TYRP1: variants seen among roughly 807,000 people sequenced by gnomAD.
The protein encoded by TYRP1 is 5,6-dihydroxyindole-2-carboxylic acid oxidase.
In TYRP1, 49 loss-of-function variants were observed where a neutral mutation model predicts 42.8. The observed-to-expected ratio is 1.14, with a 90% CI of 0.91 to 1.45. TYRP1 has a LOEUF of 1.45. Ranked by LOEUF, TYRP1 falls within the 40% of genes most tolerant of loss-of-function variation. The pLI is 0.00. For synonymous variants in TYRP1, 279 were observed against 235.4 expected, an observed-to-expected ratio of 1.19 and a Z score of -1.69; for missense variants, 848 against 662.0, an observed-to-expected ratio of 1.28 and a Z score of -3.08.
At chr9:12,694,494 C>G in intron 2 of TYRP1, 113 bp downstream of exon 2, 1 of 1,346,096 alleles carries the variant, frequency 7.4e-7, no homozygotes, top group Non-Finnish European at 1.0e-6. Context: ...GCTCAACCCT[C>G]TCTTTTCATA....
At chr9:12,695,444 A>G in intron 2 of TYRP1, 71 bp from the exon 3 acceptor site, 1 of 1,394,928 alleles carries the variant, frequency 7.2e-7, no homozygotes, top group Admixed American at 1.7e-5. Context: ...GTGTTACAAG[A>G]TGATTATGCT....
rs750325276 is a variant in TYRP1 at position 12,709,166 on chromosome 9, A to G, written c.1598A>G (p.Asn533Ser). 5 of 1,612,470 alleles carry G rather than the reference A, an allele frequency of 3.1e-6. No individual in the cohort carries two copies. Among genetic ancestry groups the G allele is most frequent in the Non-Finnish European group, 4.2e-6 (5 of 1,178,922 alleles). The change falls in exon 8 of 8, where the codon AAT (asparagine) becomes AGT (serine). Residue 533 changes from asparagine to serine, a missense_variant. By Grantham distance (46) the Asn-to-Ser change is conservative. Transcript: ENST00000388918. ...AEEYEKLQNP[N>S]QSVV ...GAATATGAAAAACTCCAGAATCCTA[A>G]TCAGTCTGTGGTCTAACAAATGCCC...
At chr9:12,699,340 A>G (rs1156622880) in intron 4 of TYRP1, among the ~76,000 whole-genome samples, 1 of 151,944 alleles carries the variant, frequency 6.6e-6, no homozygotes, top group African/African-American at 2.4e-5. Context: ...TCCTTGGATC[A>G]TATTATTATT....
intron 4 of TYRP1, chr9:12,701,897 A>C (rs2762463): frequency 1.6e-5 from 3 of 192,936 alleles, no homozygotes; most frequent in Admixed American, 5.4e-5. Flanking sequence ...ATGTGACATA[A>C]AGATTTTAGT....
At chr9:12,702,994 AG>A (rs1390714353) in intron 5 of TYRP1, among the ~76,000 whole-genome samples, 1 of 152,034 alleles carries the variant, frequency 6.6e-6, no homozygotes, top group African/African-American at 2.4e-5. Flanking sequence ...TTTAAAGCTG[AG>A]GAAAGTGAGG....
intron 2 of TYRP1, 108 bp downstream of exon 2, chr9:12,694,489 A>G: frequency 7.3e-7 from 1 of 1,378,066 alleles, no homozygotes; most frequent in East Asian, 2.5e-5. Flanking sequence ...ATATAGCTCA[A>G]CCCTCTCTTT....
In TYRP1 at chr9:12,709,173, T is replaced by C; in HGVS notation, c.1605T>C (p.Ser535=). The C allele has an allele frequency of 6.2e-7, 1 of 1,612,398 alleles. No homozygotes were observed. The highest frequency in any genetic ancestry group is 1.1e-5 in the South Asian group (1 of 91,058). ...EYEKLQNPNQ[S]VV is the part of the protein sequence containing the mutation. The stretch of plus-strand genomic sequence containing the variant: ...AAAAACTCCAGAATCCTAATCAGTC[T>C]GTGGTCTAACAAATGCCCTACTCTC... Residue 535 remains serine (S), a synonymous_variant, in exon 8 of 8, where the codon TCT becomes TCC. Transcript: ENST00000388918.
chr9:12,698,540 G>A lies in TYRP1; in HGVS notation c.798G>A (p.Met266Ile), dbSNP rs1263214797. 1 of 1,613,666 alleles carries A rather than the reference G, an allele frequency of 6.2e-7. No homozygotes were observed. Among genetic ancestry groups the A allele is most frequent in the Non-Finnish European group, 8.5e-7 (1 of 1,179,838 alleles). Residue 266 changes from methionine to isoleucine, a missense_variant, in exon 4 of 8, where the codon ATG (methionine) becomes ATA (isoleucine). By Grantham distance (10) the Met-to-Ile change is conservative. Transcript: ENST00000388918. ...NVCDICTDDL[M>I]GSRSNFDSTL... ...GTGATATCTGCACGGATGACTTGAT[G>A]GGATCCAGAAGCAACTTTGATTCCA...
At chr9:12,704,754 T>G in intron 6 of TYRP1, 49 bp downstream of exon 6, 3 of 1,563,230 alleles carry the variant, frequency 1.9e-6, no homozygotes, top group Non-Finnish European at 2.6e-6. Context: ...GCGGATTGTT[T>G]AGATGGCATA....
rs937158374 is a variant in TYRP1, at chr9:12,693,968, C to G, written c.-29C>G. 6.2e-7 allele frequency: 1 copy of G among 1,613,010 alleles called. No individual in the cohort carries two copies. The highest frequency in any genetic ancestry group is 1.3e-5 in the African/African-American group (1 of 74,834). ...CTACACAAAGAGCTGCAAACCAGGT[C>G]TTTGTTTTGCACTCTTATTTCAAGC... On this transcript the variant is annotated 5_prime_UTR_variant, in exon 2 of 8. Transcript: ENST00000388918.
At position 12,695,602 on chromosome 9, in the gene TYRP1, T is replaced by C. The variant is rs1232160617; in HGVS notation, c.473T>C (p.Leu158Ser). ...ATGGCAAAGCGCACAACTCACCCTTTATTTGTCATTGCCACCAGGAGATCA... is the reference window on the plus strand; with the variant it reads ...ATGGCAAAGCGCACAACTCACCCTTCATTTGTCATTGCCACCAGGAGATCA... ...LDMAKRTTHP[L>S]FVIATRRSEE... The change falls in exon 3 of 8, where the codon TTA becomes TCA. Residue 158 changes from leucine to serine, a missense_variant. Leu to Ser is a moderately radical substitution (Grantham distance 145). Coordinates refer to ENST00000388918, the MANE Select transcript of TYRP1 (RefSeq NM_000550.3). The C allele has an allele frequency of 3.7e-6, 6 of 1,614,052 alleles. No individual in the cohort carries two copies. Among genetic ancestry groups the C allele is most frequent in the Non-Finnish European group, 5.1e-6 (6 of 1,180,034 alleles).
chr9:12,693,601 A>AAGG (rs1818028575), intron 1 of TYRP1, 123 bp downstream of exon 1: 1 of 187,930 alleles, frequency 5.3e-6, no homozygotes, highest in Non-Finnish European at 1.1e-5. Context: ...CTTCAGCTCC[A>AAGG]AGGTTAAATT....
intron 4 of TYRP1, among the ~76,000 whole-genome samples, chr9:12,699,360 G>A (rs934824374): frequency 6.6e-6 from 1 of 151,938 alleles, no homozygotes; most frequent in African/African-American, 2.4e-5. Flanking sequence ...TTGTGCCTGT[G>A]GTAGTAACAC....
intron 1 of TYRP1, among the ~76,000 whole-genome samples, 153 bp from the exon 2 acceptor site, chr9:12,693,759 G>C (rs1483978911): frequency 9.7e-6 from 1 of 103,410 alleles, no homozygotes; most frequent in African/African-American, 2.7e-5. Context: ...AAATTTTAAA[G>C]GTAAAATTTG....
intron 6 of TYRP1, among the ~76,000 whole-genome samples, chr9:12,706,090 G>C (rs912864882): frequency 2.6e-5 from 4 of 152,058 alleles, no homozygotes; most frequent in African/African-American, 4.8e-5. Context: ...TTACAGTCAT[G>C]ATGACCACTT....
Position 12,708,218 on chromosome 9 carries a change from C to G in TYRP1, c.1408+75C>G, listed in dbSNP as rs1012327714. On this transcript the variant is annotated intron_variant, in intron 7 of 7. Transcript: ENST00000388918. ...TGTTATCTTTCAAGTAGAGTAATCA[C>G]GGTATTCTGAAGCTATGTTTTCCAT... 3.2e-6 allele frequency: 5 copies of G among 1,542,644 alleles called. No homozygotes were observed. In the African/African-American group the frequency reaches 4.1e-5, roughly 13 times the overall value.
At chr9:12,697,440 AAGG>A (rs1046849124) in intron 3 of TYRP1, among the ~76,000 whole-genome samples, 3 of 152,144 alleles carry the variant, frequency 2.0e-5, no homozygotes, top group African/African-American at 7.2e-5. Context: ...ATGGCTTCTA[AAGG>A]AGGACTACAA....
chr9:12,698,750 C>A, intron 4 of TYRP1, 95 bp downstream of exon 4: 3 of 1,184,140 alleles, frequency 2.5e-6, no homozygotes, highest in Non-Finnish European at 3.7e-6. Context: ...CTAGAGAATT[C>A]AGACTAAAAT....
Position 12,693,932 on chromosome 9 carries a change from T to C in TYRP1, c.-65T>C, listed in dbSNP as rs1818033370. ...TTCAGCTGGATTTTCCTCTACGTGC[T>C]TCAGTCTTCTCTACACAAAGAGCTG... On this transcript the variant is annotated 5_prime_UTR_variant, in exon 2 of 8. Transcript: ENST00000388918. 14 of 1,603,744 alleles carry C rather than the reference T, an allele frequency of 8.7e-6. No individual in the cohort carries two copies. The highest frequency in any genetic ancestry group is 1.1e-5 in the Non-Finnish European group (13 of 1,175,534).
Sources: gnomAD v4.1 joint callset for allele counts (sites outside exome capture counted in the v4.1 genomes callset) on GRCh38, gnomAD v4.1.1 for gene constraint, MANE v1.5 for transcripts, NCBI Gene and HGNC (gene_info 2026-07-23, HGNC 2026-07-21) for gene names.